AQR: variants seen among roughly 807,000 people sequenced by gnomAD.
AQR encodes the protein RNA helicase aquarius.
A neutral mutation model predicts 180.5 loss-of-function variants in AQR; 61 were observed. The observed-to-expected ratio is 0.34, with a 90% CI of 0.28 to 0.42. The LOEUF (loss-of-function observed/expected upper bound fraction) is 0.42, where lower values mean the gene tolerates loss of function less well. AQR is among the 10% of genes least tolerant of loss of function. The probability of loss-of-function intolerance (pLI) is 1.00; values close to 1 mark genes in which losing one functional copy is unlikely to be tolerated. For missense variants in AQR, 1,281 were observed against 1,798.3 expected (o/e 0.71, Z 5.20); for synonymous variants, 551 against 588.8 (o/e 0.94, Z 0.93).
In AQR at chr15:34,863,204, A is replaced by C. The variant is rs2293126; in HGVS notation, c.3855-163T>G. The C allele has an allele frequency of 0.53, 320,709 of 606,326 alleles. 92,100 individuals are homozygous for C. Among genetic ancestry groups the C allele is most frequent in the Non-Finnish European group, 0.61 (221,937 of 366,250 alleles). 37.6% of individuals were successfully genotyped at this position (606,326 alleles called of 1,614,324 possible). A position where few individuals can be genotyped will look rare whatever the true frequency, so the allele number is the denominator to read the frequency against. ...GAAGTTAATCAATGTTACGTGACTA[A>C]TAAACCAAGTAAAAGTTAAGGCTTT... On this transcript the variant is annotated intron_variant, in intron 32 of 34. Transcript: ENST00000156471.
In AQR at chr15:34,886,332, A is replaced by C. The variant is rs183075966; in HGVS notation, c.2817+194T>G. Among the ~76,000 whole-genome samples the C allele has an allele frequency of 1.2e-3, 181 of 152,362 alleles. 3 individuals are homozygous for C. The highest frequency in any genetic ancestry group is 4.1e-3 in the African/African-American group (169 of 41,588). The stretch of plus-strand genomic sequence containing the variant: ...TCTTTCACAGAATGAGTCATCAAGC[A>C]AAGTTATTTAGAAAAGAAAACTGAA... On this transcript the variant is annotated intron_variant, in intron 25 of 34. Coordinates refer to ENST00000156471, the MANE Select transcript of AQR (RefSeq NM_014691.3).
intron 32 of AQR, among the ~76,000 whole-genome samples, chr15:34,866,671 C>T (rs1256292419): frequency 6.6e-6 from 1 of 152,052 alleles, no homozygotes; most frequent in Admixed American, 6.6e-5. Flanking sequence ...ATTCAGATGG[C>T]AGTTATAAAT....
Position 34,870,685 on chromosome 15 carries a change from A to G in AQR, c.3768+67T>C. 2.2e-6 allele frequency: 3 copies of G among 1,385,270 alleles called. No individual in the cohort carries two copies. In the South Asian group the frequency reaches 4.6e-5, roughly 21 times the overall value. The allele number at this position is 1,385,270 out of a possible 1,614,324, so 85.8% of individuals were successfully genotyped here. ...AAGAGATAGCAAAGAGGCAAAGCAG[A>G]ACAATATAAACCTTTCCATCTTGCC... On this transcript the variant is annotated intron_variant, in intron 31 of 34. Transcript: ENST00000156471.
chr15:34,957,800 CA>C (rs933423029), intron 3 of AQR, among the ~76,000 whole-genome samples: 5 of 148,198 alleles, frequency 3.4e-5, no homozygotes, highest in African/African-American at 9.8e-5. Context: ...ACATAAAAAA[CA>C]AAAAAATTAA....
intron 9 of AQR, among the ~76,000 whole-genome samples, chr15:34,937,518 T>C (rs1175020809): frequency 6.6e-6 from 1 of 152,154 alleles, no homozygotes; most frequent in Non-Finnish European, 1.5e-5. Flanking sequence ...GATGCAAAAA[T>C]ATAAATATGG....
At chr15:34,950,046 T>G (rs1429741833) in intron 4 of AQR, among the ~76,000 whole-genome samples, 1 of 151,270 alleles carries the variant, frequency 6.6e-6, no homozygotes, top group Non-Finnish European at 1.5e-5. Context: ...CTTATTTTCC[T>G]TTCGTATTTT....
intron 16 of AQR, among the ~76,000 whole-genome samples, chr15:34,911,905 G>GAGTTTCAT (rs56303863): frequency 0.73 from 109,808 of 151,096 alleles, 41,423 homozygotes; most frequent in Middle Eastern, 0.84. Flanking sequence ...TTTCTTCTCG[G>GAGTTTCAT]AGTTTCATGG....
intron 4 of AQR, among the ~76,000 whole-genome samples, chr15:34,951,000 A>T (rs969462929): frequency 6.6e-6 from 1 of 152,218 alleles, no homozygotes; most frequent in Admixed American, 6.5e-5. Context: ...AGGTAATGAG[A>T]GTCAATGATT....
rs1044132655 is a variant in AQR, at chr15:34,854,682, A to G, written c.*2110T>C. 3 of 152,210 alleles carry G rather than the reference A, an allele frequency of 2.0e-5. No homozygotes were observed. Among genetic ancestry groups the G allele is most frequent in the African/African-American group, 7.2e-5 (3 of 41,454 alleles). The allele number at this position is 152,210 out of a possible 1,614,324, so 9.4% of individuals were successfully genotyped here. A position where few individuals can be genotyped will look rare whatever the true frequency, so the allele number is the denominator to read the frequency against. On this transcript the variant is annotated 3_prime_UTR_variant, in exon 35 of 35. Coordinates refer to ENST00000156471, the MANE Select transcript of AQR (RefSeq NM_014691.3). ...TTCTTTTGACAAGGACAAAGGACTT[A>G]CCCATCCATCTTCCACCTAAATTTG...
At chr15:34,865,018 C>T (rs1185165412) in intron 32 of AQR, among the ~76,000 whole-genome samples, 4 of 151,996 alleles carry the variant, frequency 2.6e-5, no homozygotes, top group Non-Finnish European at 4.4e-5. Context: ...AAATGAATGA[C>T]CAAATACTAC....
At chr15:34,905,640 T>A (rs1893399830) in intron 18 of AQR, among the ~76,000 whole-genome samples, 1 of 152,058 alleles carries the variant, frequency 6.6e-6, no homozygotes, top group Non-Finnish European at 1.5e-5. Context: ...ACAGTATTGT[T>A]CCCAATTAAG....
At chr15:34,860,399 T>C (rs919714671) in intron 33 of AQR, among the ~76,000 whole-genome samples, 9 of 151,222 alleles carry the variant, frequency 6.0e-5, no homozygotes, top group African/African-American at 4.9e-5. Context: ...GCTGGCCACG[T>C]GACTCCCATT....
chr15:34,884,758 T>C (rs1216683504), intron 25 of AQR, 24 bp from the exon 26 acceptor site: 1 of 1,519,966 alleles, frequency 6.6e-7, no homozygotes, highest in African/African-American at 1.4e-5. Context: ...GACTTGAAGT[T>C]AACTGCCAGC....
At chr15:34,926,386 T>C (rs756347515) in intron 13 of AQR, among the ~76,000 whole-genome samples, 3 of 152,268 alleles carry the variant, frequency 2.0e-5, no homozygotes, top group South Asian at 4.1e-4. Context: ...TGATACAGTA[T>C]AGTAGTTAAA....
At chr15:34,873,300 T>C (rs906197791) in intron 30 of AQR, among the ~76,000 whole-genome samples, 4 of 152,176 alleles carry the variant, frequency 2.6e-5, no homozygotes, top group African/African-American at 9.6e-5. Flanking sequence ...ATTATTTTCC[T>C]ACTAGCATTG....
chr15:34,895,306 A>G (rs1269225924), intron 22 of AQR, among the ~76,000 whole-genome samples: 1 of 148,258 alleles, frequency 6.7e-6, no homozygotes, highest in Non-Finnish European at 1.5e-5. Flanking sequence ...TACAAAATAA[A>G]GGGAACAAAT....
intron 22 of AQR, among the ~76,000 whole-genome samples, 193 bp downstream of exon 22, chr15:34,896,704 C>T (rs931190547): frequency 2.0e-5 from 3 of 152,122 alleles, no homozygotes; most frequent in Admixed American, 1.3e-4. Context: ...AAAAAATTAG[C>T]CAGGCATGGT....
chr15:34,932,875 GA>G (rs1893888147), intron 10 of AQR, among the ~76,000 whole-genome samples: 1 of 152,048 alleles, frequency 6.6e-6, no homozygotes, highest in Non-Finnish European at 1.5e-5. Flanking sequence ...AGAATTGCTT[GA>G]ACCCAGGAGG....
chr15:34,867,626 G>T lies in AQR; in HGVS notation c.3769-17C>A. ...AGTTGTCACCTAGAAATAAAAAATG[G>T]AAAATATGGTGCATTTGCAAAAGCC... On this transcript the variant is annotated splice_polypyrimidine_tract_variant and intron_variant, in intron 31 of 34. Coordinates refer to ENST00000156471, the MANE Select transcript of AQR (RefSeq NM_014691.3). 1 of 1,591,160 alleles carries T rather than the reference G, an allele frequency of 6.3e-7. No individual in the cohort carries two copies. Among genetic ancestry groups the T allele is most frequent in the Non-Finnish European group, 8.6e-7 (1 of 1,164,192 alleles).
Sources: gnomAD v4.1 joint callset for allele counts (sites outside exome capture counted in the v4.1 genomes callset) on GRCh38, gnomAD v4.1.1 for gene constraint, MANE v1.5 for transcripts, NCBI Gene and HGNC (gene_info 2026-07-23, HGNC 2026-07-21) for gene names.